Variants in GUCY1B1 observed in about 807,000 individuals in gnomAD.
GUCY1B1 encodes the protein guanylate cyclase soluble subunit beta-1.
GUCY1B1 carries 43 observed loss-of-function variants against 71.0 expected under a neutral mutation model. The ratio of observed to expected loss-of-function variants is 0.61; its 90% confidence interval spans 0.47 to 0.78. GUCY1B1 has a LOEUF of 0.78. Among genes scored for constraint, GUCY1B1 ranks in the 30% least tolerant of loss-of-function variants. The probability of loss-of-function intolerance (pLI) is 0.00; values close to 1 mark genes in which losing one functional copy is unlikely to be tolerated. For synonymous variants in GUCY1B1, 266 were observed against 259.7 expected (o/e 1.02, Z -0.23); for missense variants, 535 against 754.1 (o/e 0.71, Z 3.40).
At chr4:155,778,484 C>A (rs3796570) in intron 4 of GUCY1B1, among the ~76,000 whole-genome samples, 25,126 of 152,192 alleles carry the variant, frequency 0.17, 2,279 homozygotes, top group African/African-American at 0.23. Context: ...ACTAGCTGAA[C>A]CGAAGCCCAG....
At chr4:155,804,198 T>C (rs548243682) in intron 11 of GUCY1B1, among the ~76,000 whole-genome samples, 1 of 152,310 alleles carries the variant, frequency 6.6e-6, no homozygotes, top group South Asian at 2.1e-4. Context: ...TCTCTTACGA[T>C]GTTATATGAT....
At chr4:155,766,707 A>T (rs1737359429) in intron 2 of GUCY1B1, among the ~76,000 whole-genome samples, 1 of 152,178 alleles carries the variant, frequency 6.6e-6, no homozygotes, top group African/African-American at 2.4e-5. Flanking sequence ...ACAATTTCAT[A>T]TGTCAAAAGA....
chr4:155,803,159 A>G (rs28698829), intron 10 of GUCY1B1, among the ~76,000 whole-genome samples: 2,544 of 152,326 alleles, frequency 0.017, 74 homozygotes, highest in African/African-American at 0.058. Flanking sequence ...ATATAACTAC[A>G]CAAGGACTAT....
At chr4:155,792,896 T>TA (rs1739276119) in intron 5 of GUCY1B1, among the ~76,000 whole-genome samples, 1 of 152,164 alleles carries the variant, frequency 6.6e-6, no homozygotes. Flanking sequence ...AGCTCACAAT[T>TA]ACGATTACTT....
chr4:155,786,764 C>T (rs1012195461), intron 4 of GUCY1B1, among the ~76,000 whole-genome samples: 2 of 151,934 alleles, frequency 1.3e-5, no homozygotes, highest in Non-Finnish European at 1.5e-5. Context: ...TGAGGCACCG[C>T]GCCTGGCCAA....
intron 8 of GUCY1B1, among the ~76,000 whole-genome samples, chr4:155,799,148 T>G (rs1739771154): frequency 6.6e-6 from 1 of 152,284 alleles, no homozygotes; most frequent in East Asian, 1.9e-4. Flanking sequence ...AAAGAGTACA[T>G]TTTTAAAAAG....
At position 155,802,566 on chromosome 4, in the gene GUCY1B1, C is replaced by A; in HGVS notation, c.1400C>A (p.Pro467Gln). 7 of 1,598,142 alleles carry A rather than the reference C, an allele frequency of 4.4e-6. No homozygotes were observed. The highest frequency in any genetic ancestry group is 6.0e-6 in the Non-Finnish European group (7 of 1,172,480). Residue 467 changes from proline (P) to glutamine (Q), a missense_variant, in exon 10 of 14, where the codon CCA becomes CAA. Pro to Gln is a moderately conservative substitution (Grantham distance 76). Coordinates refer to ENST00000264424, the MANE Select transcript of GUCY1B1 (RefSeq NM_000857.5). The surrounding 1 kb of genome is among the most constrained non-coding windows in gnomAD (Gnocchi z 4.3). ...FDTLTDSRKN[P>Q]FVYKVETVGD... ...ACACTGACTGATTCCCGGAAAAACC[C>A]ATTTGTTTATAAGGCAAGTGTTCTT...
intron 11 of GUCY1B1, among the ~76,000 whole-genome samples, 167 bp downstream of exon 11, chr4:155,803,931 G>A (rs1740130864): frequency 6.6e-6 from 1 of 152,134 alleles, no homozygotes; most frequent in Non-Finnish European, 1.5e-5. Flanking sequence ...CATAGACATG[G>A]AGATTTATCT....
chr4:155,791,742 A>AG (rs1739190540), intron 5 of GUCY1B1, among the ~76,000 whole-genome samples: 1 of 133,628 alleles, frequency 7.5e-6, no homozygotes, highest in Admixed American at 7.2e-5. Flanking sequence ...AAAAAAATAG[A>AG]GAAAAAAAAA....
intron 5 of GUCY1B1, among the ~76,000 whole-genome samples, chr4:155,792,969 T>A (rs1242288842): frequency 6.6e-6 from 1 of 152,230 alleles, no homozygotes; most frequent in African/African-American, 2.4e-5. Flanking sequence ...TAAGGAATTT[T>A]TATGCCTATT....
Position 155,759,746 on chromosome 4 carries a change from C to T in GUCY1B1, c.4-41C>T, listed in dbSNP as rs748882348. On this transcript the variant is annotated intron_variant, in intron 1 of 13. Transcript: ENST00000264424. The stretch of plus-strand genomic sequence containing the variant: ...TCGCCCCCAAGCCGCTTCTCAGGTA[C>T]AGCGGGTCCCTGACGCTCAAGTCTC... 8.0e-6 allele frequency: 12 copies of T among 1,491,984 alleles called. No homozygotes were observed. The Admixed American group carries it at 2.0e-4, about 25-fold the overall frequency. The allele number at this position is 1,491,984 out of a possible 1,614,324, so 92.4% of individuals were successfully genotyped here. A position where few individuals can be genotyped will look rare whatever the true frequency, so the allele number is the denominator to read the frequency against.
At chr4:155,761,885 A>T (rs1737018754) in intron 2 of GUCY1B1, among the ~76,000 whole-genome samples, 1 of 152,244 alleles carries the variant, frequency 6.6e-6, no homozygotes, top group Non-Finnish European at 1.5e-5. Flanking sequence ...TCTTAAATAA[A>T]ATTGCCTCAA....
intron 13 of GUCY1B1, among the ~76,000 whole-genome samples, chr4:155,805,930 CT>C (rs1250552934): frequency 3.9e-5 from 6 of 152,114 alleles, no homozygotes; most frequent in Non-Finnish European, 8.8e-5. Context: ...TCTTCCTAGC[CT>C]TTTGTAAGGA....
At chr4:155,785,219 C>A (rs945474003) in intron 4 of GUCY1B1, 1 of 761,096 alleles carries the variant, frequency 1.3e-6, no homozygotes, top group Non-Finnish European at 2.2e-6. Context: ...GATGAATGGA[C>A]CTACTCTCTA....
At chr4:155,794,431 T>C (rs972158526) in intron 6 of GUCY1B1, among the ~76,000 whole-genome samples, 6 of 152,162 alleles carry the variant, frequency 3.9e-5, no homozygotes, top group African/African-American at 1.4e-4. Context: ...ATATCTACCA[T>C]CTGTAAATAG....
At chr4:155,772,612 G>A (rs1579201397) in intron 2 of GUCY1B1, 4 of 679,246 alleles carry the variant, frequency 5.9e-6, no homozygotes, top group Non-Finnish European at 1.1e-5. Flanking sequence ...GAGAGAAGAG[G>A]TCTTGGTATG....
At chr4:155,765,317 A>G (rs1737260627) in intron 2 of GUCY1B1, among the ~76,000 whole-genome samples, 2 of 152,286 alleles carry the variant, frequency 1.3e-5, no homozygotes, top group Middle Eastern at 3.4e-3. Flanking sequence ...AGGAAAACAC[A>G]CTTAAGGAAA....
At chr4:155,799,670 T>A (rs955606276) in intron 8 of GUCY1B1, among the ~76,000 whole-genome samples, 1 of 152,214 alleles carries the variant, frequency 6.6e-6, no homozygotes, top group East Asian at 1.9e-4. Context: ...CAAAAATGCA[T>A]CTCAAGTTCA....
intron 3 of GUCY1B1, among the ~76,000 whole-genome samples, chr4:155,775,745 G>T (rs541641503): frequency 2.6e-5 from 4 of 152,300 alleles, no homozygotes; most frequent in African/African-American, 9.6e-5. Context: ...GTAGTCACAA[G>T]TTATATTAAC....
Sources: gnomAD v4.1 joint callset for allele counts (sites outside exome capture counted in the v4.1 genomes callset) on GRCh38, gnomAD v4.1.1 for gene constraint, Gnocchi (gnomAD v3.1) non-coding constraint, MANE v1.5 for transcripts, NCBI Gene and HGNC (gene_info 2026-07-23, HGNC 2026-07-21) for gene names.